The following RNF169 variants were observed in gnomAD, a reference collection of about 807,000 sequenced individuals.
RNF169 encodes the protein E3 ubiquitin-protein ligase RNF169.
Under a neutral mutation model 53.9 loss-of-function variants are expected in RNF169, and 24 were observed. The ratio of observed to expected loss-of-function variants is 0.45; its 90% confidence interval spans 0.32 to 0.63. RNF169 has a LOEUF of 0.63. Ranked by LOEUF, RNF169 falls within the 20% of genes least tolerant of loss-of-function variation. The pLI, the probability that RNF169 is intolerant of heterozygous loss-of-function variation, is 0.04. For missense variants in RNF169, 883 were observed against 906.2 expected (o/e 0.97, Z 0.33); for synonymous variants, 396 against 363.5 (o/e 1.09, Z -1.02).
chr11:74,814,544 C>T (rs2035918605), intron 3 of RNF169, among the ~76,000 whole-genome samples: 1 of 151,542 alleles, frequency 6.6e-6, no homozygotes, highest in African/African-American at 2.4e-5. Context: ...ACATGCCTGA[C>T]TAGTTTTTTT....
intron 2 of RNF169, among the ~76,000 whole-genome samples, chr11:74,802,353 C>A (rs1234782178): frequency 6.6e-6 from 1 of 152,154 alleles, no homozygotes. Flanking sequence ...TTATAAAAAT[C>A]AGTTAGTCCA....
chr11:74,840,661 T>C lies in RNF169; in HGVS notation c.*3931T>C, dbSNP rs1591440659. Reference sequence around the variant, plus strand: ...CCTTTCCTTTTTCCTGCCTAACTTTTCATTGAAATGTCTAGTAGGAGAGTG... The same window carrying C: ...CCTTTCCTTTTTCCTGCCTAACTTTCCATTGAAATGTCTAGTAGGAGAGTG... On this transcript the variant is annotated 3_prime_UTR_variant, in exon 6 of 6. Coordinates refer to ENST00000299563, the MANE Select transcript of RNF169 (RefSeq NM_001098638.2). The C allele has an allele frequency of 6.6e-6, 1 of 152,168 alleles. No individual in the cohort carries two copies. Among genetic ancestry groups the C allele is most frequent in the Non-Finnish European group, 1.5e-5 (1 of 68,044 alleles). The allele number at this position is 152,168 out of a possible 1,614,324, so 9.4% of individuals were successfully genotyped here. A position where few individuals can be genotyped will look rare whatever the true frequency, so the allele number is the denominator to read the frequency against.
intron 1 of RNF169, among the ~76,000 whole-genome samples, chr11:74,776,350 CTA>C (rs1244734308): frequency 1.3e-5 from 2 of 151,916 alleles, no homozygotes; most frequent in Non-Finnish European, 2.9e-5. Flanking sequence ...AGATTGGACT[CTA>C]TTAAAGTTGA....
intron 1 of RNF169, among the ~76,000 whole-genome samples, chr11:74,773,906 A>G (rs1223774462): frequency 1.3e-5 from 2 of 152,232 alleles, no homozygotes; most frequent in Admixed American, 6.5e-5. Context: ...GTAAATACCT[A>G]ATAAATATTA....
rs1292745728 is a variant in RNF169, at chr11:74,837,299, T to C, written c.*569T>C. On this transcript the variant is annotated 3_prime_UTR_variant, in exon 6 of 6. Coordinates refer to ENST00000299563, the MANE Select transcript of RNF169 (RefSeq NM_001098638.2). ...AAAATAATATTTGGTGAATGCTATA[T>C]AGTTGACAGAGCACATTTACAGACC... 6.5e-6 allele frequency: 1 copy of C among 152,716 alleles called. No individual in the cohort carries two copies. Among genetic ancestry groups the C allele is most frequent in the Non-Finnish European group, 1.5e-5 (1 of 68,426 alleles). 9.5% of individuals were successfully genotyped at this position (152,716 alleles called of 1,614,324 possible). A position where few individuals can be genotyped will look rare whatever the true frequency, so the allele number is the denominator to read the frequency against.
chr11:74,822,376 G>A (rs1565185907), intron 4 of RNF169, among the ~76,000 whole-genome samples: 1 of 152,172 alleles, frequency 6.6e-6, no homozygotes, highest in Non-Finnish European at 1.5e-5. Context: ...CAAACTCATT[G>A]TGGGTGCGGG....
At chr11:74,754,656 A>G (rs1309977687) in intron 1 of RNF169, among the ~76,000 whole-genome samples, 2 of 152,100 alleles carry the variant, frequency 1.3e-5, no homozygotes, top group Non-Finnish European at 2.9e-5. Context: ...CCCTGTCTTT[A>G]CTAAAAACAC....
chr11:74,791,393 G>A (rs774015060), intron 2 of RNF169, among the ~76,000 whole-genome samples: 6 of 152,210 alleles, frequency 3.9e-5, no homozygotes, highest in Non-Finnish European at 7.3e-5. Flanking sequence ...GCCCCTTTCT[G>A]CCCAGGAGCC....
At position 74,837,192 on chromosome 11, in the gene RNF169, TCTG is replaced by T. The variant is rs1318429369; in HGVS notation, c.*466_*468del. 2 of 154,916 alleles carry T rather than the reference TCTG, an allele frequency of 1.3e-5. No individual in the cohort carries two copies. The highest frequency in any genetic ancestry group is 4.8e-5 in the African/African-American group (2 of 41,498). 9.6% of individuals were successfully genotyped at this position (154,916 alleles called of 1,614,324 possible). ...AATGATAGATGGTTATGTTACGCTTTCTGCTGTCCCTTGCCAAAAATAAGTAAA... is the reference window on the plus strand; with the variant it reads ...AATGATAGATGGTTATGTTACGCTTTCTGTCCCTTGCCAAAAATAAGTAAA... On this transcript the variant is annotated 3_prime_UTR_variant, in exon 6 of 6. Transcript: ENST00000299563.
In RNF169 at chr11:74,802,657, C is replaced by T. The variant is rs531197646; in HGVS notation, c.577-7527C>T. Among the ~76,000 whole-genome samples, 228 of 152,060 alleles carry T rather than the reference C, an allele frequency of 1.5e-3. 1 individual carries two copies. The highest frequency in any genetic ancestry group is 1.8e-3 in the Non-Finnish European group (122 of 67,944). On this transcript the variant is annotated intron_variant, in intron 2 of 5. Coordinates refer to ENST00000299563, the MANE Select transcript of RNF169 (RefSeq NM_001098638.2). The stretch of plus-strand genomic sequence containing the variant: ...GATTCTGTCTCAAAAGAAAATCAGT[C>T]CAATCTTACTTCAACAGCATTCTGC...
rs1305924317 is a variant in RNF169 at position 74,835,657 on chromosome 11, A to C, written c.1054A>C (p.Ser352Arg). ...AACCATCGAAAAGCGTCTACCCTTC[A>C]GCTCCCTTTCATCCTTGGCTTCCCT... ...DLTIEKRLPF[S>R]SLSSLASLHK... Residue 352 changes from serine (S) to arginine (R), a missense_variant, in exon 6 of 6, where the codon AGC (serine) becomes CGC (arginine). Physicochemically the swap from Ser to Arg is moderately radical, Grantham distance 110. Coordinates refer to ENST00000299563, the MANE Select transcript of RNF169 (RefSeq NM_001098638.2). 6.2e-7 allele frequency: 1 copy of C among 1,614,062 alleles called. No individual in the cohort carries two copies. The highest frequency in any genetic ancestry group is 1.1e-5 in the South Asian group (1 of 91,076).
chr11:74,801,957 A>G (rs890738518), intron 2 of RNF169, among the ~76,000 whole-genome samples: 4 of 152,236 alleles, frequency 2.6e-5, no homozygotes, highest in African/African-American at 7.2e-5. Context: ...TAAAATGTTC[A>G]TAACTCATAA....
intron 1 of RNF169, among the ~76,000 whole-genome samples, chr11:74,765,081 C>T (rs573348372): frequency 5.9e-5 from 9 of 152,176 alleles, no homozygotes; most frequent in Admixed American, 1.3e-4. Flanking sequence ...TGGTGGTGTG[C>T]GCCTGTGGTC....
chr11:74,820,499 A>G (rs1330203442), intron 4 of RNF169, among the ~76,000 whole-genome samples: 1 of 152,084 alleles, frequency 6.6e-6, no homozygotes, highest in Non-Finnish European at 1.5e-5. Context: ...AATAAAGATC[A>G]GACTTAAGTT....
intron 1 of RNF169, 21 bp downstream of exon 1, chr11:74,749,403 C>T (rs746808337): frequency 8.9e-6 from 11 of 1,241,558 alleles, no homozygotes; most frequent in Non-Finnish European, 1.1e-5. Context: ...CCCACTTCCC[C>T]TTAGGGTCTG....
intron 2 of RNF169, among the ~76,000 whole-genome samples, chr11:74,796,471 A>G (rs911624289): frequency 1.3e-5 from 2 of 152,228 alleles, no homozygotes; most frequent in African/African-American, 4.8e-5. Flanking sequence ...TGTCTTTTGA[A>G]ATAGATTTAT....
intron 2 of RNF169, among the ~76,000 whole-genome samples, chr11:74,792,862 A>G (rs2035597833): frequency 6.6e-6 from 1 of 152,150 alleles, no homozygotes; most frequent in South Asian, 2.1e-4. Flanking sequence ...TATAAACTGG[A>G]TTGGATTTGA....
chr11:74,778,343 G>A (rs544131028), intron 1 of RNF169, among the ~76,000 whole-genome samples: 1 of 152,214 alleles, frequency 6.6e-6, no homozygotes, highest in Admixed American at 6.5e-5. Flanking sequence ...ATTTACATAT[G>A]ATAACTTGAT....
intron 1 of RNF169, among the ~76,000 whole-genome samples, chr11:74,785,226 A>T (rs1565176554): frequency 9.8e-6 from 1 of 102,246 alleles, no homozygotes; most frequent in African/African-American, 5.4e-5. Flanking sequence ...TATATGTTAT[A>T]TATATTATAT....
Sources: gnomAD v4.1 joint callset for allele counts (sites outside exome capture counted in the v4.1 genomes callset) on GRCh38, gnomAD v4.1.1 for gene constraint, MANE v1.5 for transcripts, NCBI Gene and HGNC (gene_info 2026-07-23, HGNC 2026-07-21) for gene names.